ICA1: variants seen among roughly 807,000 people sequenced by gnomAD.
ICA1 encodes islet cell autoantigen 1.
ICA1 carries 40 observed loss-of-function variants against 71.0 expected under a neutral mutation model. That is an observed-to-expected ratio of 0.56 (90% confidence interval 0.44 to 0.73). ICA1 has a LOEUF of 0.73. Ranked by LOEUF, ICA1 falls within the 30% of genes least tolerant of loss-of-function variation. ICA1 has a pLI of 0.00. For missense variants in ICA1, 578 were observed against 576.5 expected (o/e 1.00, Z -0.03); for synonymous variants, 207 against 209.5 (o/e 0.99, Z 0.10).
At chr7:8,122,892 T>C (rs1460816544) in intron 13 of ICA1, among the ~76,000 whole-genome samples, 1 of 152,238 alleles carries the variant, frequency 6.6e-6, no homozygotes, top group Non-Finnish European at 1.5e-5. Flanking sequence ...ATGCATTTAT[T>C]TGAGCAGCTG....
At chr7:8,148,337 C>G (rs6958145) in intron 8 of ICA1, among the ~76,000 whole-genome samples, 1 of 152,018 alleles carries the variant, frequency 6.6e-6, no homozygotes, top group East Asian at 1.9e-4. Context: ...TAATTTAACC[C>G]ACTACTGTTC....
At chr7:8,245,578 TTATAC>T (rs1157187597) in intron 1 of ICA1, among the ~76,000 whole-genome samples, 2 of 152,030 alleles carry the variant, frequency 1.3e-5, no homozygotes, top group African/African-American at 4.8e-5. Flanking sequence ...TAAAAAAGAA[TTATAC>T]TATGAGTTTA....
intron 13 of ICA1, among the ~76,000 whole-genome samples, chr7:8,122,345 T>A (rs139908343): frequency 6.6e-6 from 1 of 152,302 alleles, no homozygotes; most frequent in African/African-American, 2.4e-5. Context: ...TTAGACCTTA[T>A]TCAAATGGTG....
chr7:8,117,829 A>G lies in ICA1; in HGVS notation c.1331-3785T>C, dbSNP rs141098899. On this transcript the variant is annotated intron_variant, in intron 13 of 13. Coordinates refer to ENST00000402384, the MANE Select transcript of ICA1 (RefSeq NM_001136020.3). The stretch of plus-strand genomic sequence containing the variant: ...AGAATGCCACTCAGTATATGGCACA[A>G]AAAGTATAGGATTTAATGCCACTTG... 1.5e-3 allele frequency among the ~76,000 whole-genome samples: 221 copies of G among 152,372 alleles called. No homozygotes were observed. In the East Asian group the frequency reaches 0.015, roughly 10 times the overall value.
At chr7:8,212,804 T>C (rs539647689) in intron 6 of ICA1, among the ~76,000 whole-genome samples, 2 of 152,292 alleles carry the variant, frequency 1.3e-5, no homozygotes, top group African/African-American at 4.8e-5. Flanking sequence ...CTGCAAGTTA[T>C]CTGTTTCATG....
chr7:8,212,422 G>A (rs1794098055), intron 6 of ICA1, among the ~76,000 whole-genome samples: 1 of 152,088 alleles, frequency 6.6e-6, no homozygotes, highest in Admixed American at 6.5e-5. Context: ...AAAATTAGCT[G>A]GGTGTGGTGG....
At chr7:8,190,640 C>G (rs1189031669) in intron 6 of ICA1, among the ~76,000 whole-genome samples, 2 of 152,148 alleles carry the variant, frequency 1.3e-5, no homozygotes, top group African/African-American at 4.8e-5. Context: ...TTCTCAGGTT[C>G]AAATCAACTT....
chr7:8,201,900 C>T (rs1789838598), intron 6 of ICA1, among the ~76,000 whole-genome samples: 1 of 152,100 alleles, frequency 6.6e-6, no homozygotes, highest in Non-Finnish European at 1.5e-5. Context: ...ATTCCCCTGG[C>T]CACAGGTTTC....
At chr7:8,246,375 TAAC>T (rs1012648038) in intron 1 of ICA1, among the ~76,000 whole-genome samples, 1 of 152,198 alleles carries the variant, frequency 6.6e-6, no homozygotes, top group Non-Finnish European at 1.5e-5. Flanking sequence ...AATTTTGATA[TAAC>T]AACCTGGGGA....
intron 6 of ICA1, among the ~76,000 whole-genome samples, chr7:8,183,667 A>G (rs1782964496): frequency 1.3e-5 from 2 of 152,342 alleles, no homozygotes; most frequent in South Asian, 4.1e-4. Flanking sequence ...GAAAATAAGC[A>G]TGAGATAAAT....
At chr7:8,237,819 GAC>G (rs57343882) in intron 1 of ICA1, among the ~76,000 whole-genome samples, 7,201 of 141,688 alleles carry the variant, frequency 0.051, 517 homozygotes, top group African/African-American at 0.16. Flanking sequence ...GTTGAAGACA[GAC>G]ACACACACAC....
rs1801284593 is a variant in ICA1 at position 8,234,646 on chromosome 7, T to C, written c.17+1264A>G. ...GATGACTTCCTTAACAATGGTTATC[T>C]TTGGAGAGAGAAGTAGGATTATGGG... On this transcript the variant is annotated intron_variant, in intron 2 of 13. Transcript: ENST00000402384. This position sits in a 1 kb window ranked among gnomAD's most constrained non-coding sequence, Gnocchi z 4.5. Among the ~76,000 whole-genome samples, 1 of 152,264 alleles carries C rather than the reference T, an allele frequency of 6.6e-6. No individual in the cohort carries two copies. The highest frequency in any genetic ancestry group is 2.4e-5 in the African/African-American group (1 of 41,476).
chr7:8,217,102 T>C (rs990183229), intron 6 of ICA1, among the ~76,000 whole-genome samples: 5 of 152,236 alleles, frequency 3.3e-5, no homozygotes, highest in African/African-American at 9.6e-5. Context: ...GATTTTTCTC[T>C]TCTATAAGAT....
chr7:8,114,866 C>A (rs1408189019), intron 13 of ICA1: 3 of 152,064 alleles, frequency 2.0e-5, no homozygotes, highest in Non-Finnish European at 4.4e-5. Context: ...GTGTTTTTTT[C>A]TTCTCCAACA....
At chr7:8,142,215 C>T (rs888500891) in intron 9 of ICA1, among the ~76,000 whole-genome samples, 14 of 152,216 alleles carry the variant, frequency 9.2e-5, no homozygotes, top group Non-Finnish European at 1.3e-4. Flanking sequence ...GTTAGCTCGG[C>T]TACAGAGGCT....
chr7:8,202,878 G>T (rs1562977100), intron 6 of ICA1, among the ~76,000 whole-genome samples: 1 of 152,150 alleles, frequency 6.6e-6, no homozygotes, highest in Non-Finnish European at 1.5e-5. Flanking sequence ...CCGCACGAAT[G>T]GGGGAAAATG....
At chr7:8,165,404 C>T (rs1214505935) in intron 6 of ICA1, among the ~76,000 whole-genome samples, 2 of 152,218 alleles carry the variant, frequency 1.3e-5, no homozygotes, top group Non-Finnish European at 2.9e-5. Flanking sequence ...CTCCCCTCAA[C>T]GATATCCTTA....
At chr7:8,206,897 T>C (rs1028378590) in intron 6 of ICA1, among the ~76,000 whole-genome samples, 8 of 152,332 alleles carry the variant, frequency 5.3e-5, no homozygotes, top group African/African-American at 1.7e-4. Flanking sequence ...CCGATGTGGA[T>C]ATTTTCCAAG....
chr7:8,161,454 A>G (rs1447154582), intron 6 of ICA1, among the ~76,000 whole-genome samples: 1 of 152,202 alleles, frequency 6.6e-6, no homozygotes, highest in African/African-American at 2.4e-5. Flanking sequence ...TTTGCCCTGT[A>G]ACTCTGTAGT....
Sources: gnomAD v4.1 joint callset for allele counts (sites outside exome capture counted in the v4.1 genomes callset) on GRCh38, gnomAD v4.1.1 for gene constraint, Gnocchi (gnomAD v3.1) non-coding constraint, MANE v1.5 for transcripts, NCBI Gene and HGNC (gene_info 2026-07-23, HGNC 2026-07-21) for gene names.